Variants in MARK4 observed in about 807,000 individuals in gnomAD.
The protein encoded by MARK4 is MAP/microtubule affinity-regulating kinase 4.
In MARK4, 19 loss-of-function variants were observed where a neutral mutation model predicts 81.5. The observed-to-expected ratio is 0.23, with a 90% confidence interval of 0.16 to 0.34. MARK4 has a LOEUF of 0.34. Ranked by LOEUF, MARK4 falls within the 10% of genes least tolerant of loss-of-function variation. The probability of loss-of-function intolerance (pLI) is 1.00; values close to 1 mark genes in which losing one functional copy is unlikely to be tolerated. For missense variants in MARK4, 772 were observed against 1,058.8 expected (o/e 0.73, Z 3.76); for synonymous variants, 436 against 439.0 (o/e 0.99, Z 0.08).
intron 15 of MARK4, among the ~76,000 whole-genome samples, chr19:45,299,595 A>G (rs540483343): frequency 1.3e-5 from 2 of 151,940 alleles, no homozygotes; most frequent in African/African-American, 4.8e-5. Context: ...CATCTTCCAC[A>G]TTCTTCAGTA....
chr19:45,252,535 C>T (rs1227116595), intron 1 of MARK4, among the ~76,000 whole-genome samples: 2 of 151,864 alleles, frequency 1.3e-5, no homozygotes, highest in African/African-American at 2.4e-5. Context: ...CAGACCCCTT[C>T]CCCACAAACC....
intron 10 of MARK4, chr19:45,280,144 T>C: frequency 2.3e-6 from 1 of 428,954 alleles, no homozygotes; most frequent in Non-Finnish European, 4.3e-6. Flanking sequence ...TGCCCAGGAG[T>C]TTCAAACCAG....
At chr19:45,253,860 A>G (rs1439786725) in intron 1 of MARK4, among the ~76,000 whole-genome samples, 2 of 152,158 alleles carry the variant, frequency 1.3e-5, no homozygotes. Context: ...GACCTCGGGC[A>G]AGTAACCTTA....
At chr19:45,283,276 G>A (rs1970699769) in intron 12 of MARK4, among the ~76,000 whole-genome samples, 2 of 151,768 alleles carry the variant, frequency 1.3e-5, no homozygotes, top group South Asian at 4.1e-4. Context: ...GGGCGTAGTG[G>A]CAGGCGTCTG....
intron 2 of MARK4, among the ~76,000 whole-genome samples, chr19:45,261,330 C>T (rs941115343): frequency 6.6e-6 from 1 of 152,128 alleles, no homozygotes; most frequent in African/African-American, 2.4e-5. Context: ...CAGAACCTGG[C>T]AAATCAATTA....
chr19:45,282,931 G>C (rs1293700980), intron 12 of MARK4, among the ~76,000 whole-genome samples: 1 of 152,090 alleles, frequency 6.6e-6, no homozygotes, highest in Admixed American at 6.6e-5. Context: ...GATCGAGGTC[G>C]TGGTGAGCCG....
chr19:45,301,751 A>G (rs1165916746), intron 16 of MARK4, among the ~76,000 whole-genome samples: 2 of 149,774 alleles, frequency 1.3e-5, no homozygotes, highest in African/African-American at 4.9e-5. Context: ...TGTAATCCCA[A>G]CTACTCAGGA....
At position 45,287,480 on chromosome 19, in the gene MARK4, G is replaced by T. The variant is rs954745201; in HGVS notation, c.1310G>T (p.Arg437Leu). The T allele has an allele frequency of 6.7e-7, 1 of 1,489,288 alleles. No individual in the cohort carries two copies. The highest frequency in any genetic ancestry group is 9.0e-7 in the Non-Finnish European group (1 of 1,114,398). The allele number at this position is 1,489,288 out of a possible 1,614,324, so 92.3% of individuals were successfully genotyped here. The change falls in exon 13 of 17, where the codon CGC becomes CTC. Residue 437 changes from arginine (R) to leucine (L), a missense_variant. By Grantham distance (102) the Arg-to-Leu change is moderately radical. Transcript: ENST00000262891. ...GPSPAPLHPK[R>L]SPTSTGEAEL... ...TCCCCTGCACCCCTGCACCCCAAACGCAGCCCGACGAGCACGGGGGAGGCG... is the reference window on the plus strand; with the variant it reads ...TCCCCTGCACCCCTGCACCCCAAACTCAGCCCGACGAGCACGGGGGAGGCG...
chr19:45,277,823 T>TTG (rs58592372), intron 8 of MARK4, 100 bp from the exon 9 acceptor site: 29,402 of 733,662 alleles, frequency 0.04, 357 homozygotes, highest in African/African-American at 0.049. Flanking sequence ...GGGACAAAGG[T>TTG]TGTGTGTGTG....
intron 8 of MARK4, among the ~76,000 whole-genome samples, chr19:45,272,520 G>C (rs191971046): frequency 5.6e-4 from 85 of 151,992 alleles, no homozygotes; most frequent in African/African-American, 1.8e-3. Context: ...CCTGAGGCTG[G>C]GGGGGAGGAG....
chr19:45,302,366 C>T lies in MARK4; in HGVS notation c.1923-8C>T, dbSNP rs778471556. On this transcript the variant is annotated splice_region_variant and splice_polypyrimidine_tract_variant and intron_variant, in intron 16 of 16. Coordinates refer to ENST00000262891, the MANE Select transcript of MARK4 (RefSeq NM_001199867.2). The surrounding 1 kb of genome is among the most constrained non-coding windows in gnomAD (Gnocchi z 4.9). ...CCATCTCTGACCCCTGACATCTTCT[C>T]GCCTCAGTTGCCATCTACCTTGGGA... 4.3e-6 allele frequency: 7 copies of T among 1,614,084 alleles called. No homozygotes were observed. In the South Asian group the frequency reaches 5.5e-5, roughly 13 times the overall value.
chr19:45,281,078 A>G (rs1432659553), intron 12 of MARK4, among the ~76,000 whole-genome samples: 1 of 150,960 alleles, frequency 6.6e-6, no homozygotes, highest in African/African-American at 2.4e-5. Flanking sequence ...TTTGAGATGG[A>G]GTCTCACTCT....
At chr19:45,285,225 C>T (rs1328212522) in intron 12 of MARK4, among the ~76,000 whole-genome samples, 1 of 146,816 alleles carries the variant, frequency 6.8e-6, no homozygotes, top group Non-Finnish European at 1.5e-5. Flanking sequence ...TGCCACTGCA[C>T]TCCAGCCTGG....
chr19:45,292,182 A>C (rs1267252554), intron 13 of MARK4, among the ~76,000 whole-genome samples: 2 of 152,188 alleles, frequency 1.3e-5, no homozygotes, highest in African/African-American at 4.8e-5. Flanking sequence ...ACACACATGT[A>C]GTCCCAGCTA....
At position 45,302,735 on chromosome 19, in the gene MARK4, C is replaced by A; in HGVS notation, c.*25C>A. 3 of 1,535,342 alleles carry A rather than the reference C, an allele frequency of 2.0e-6. No homozygotes were observed. Among genetic ancestry groups the A allele is most frequent in the Non-Finnish European group, 2.6e-6 (3 of 1,146,478 alleles). ...AGCCACCACGGTCCCAGGGCCCTTA[C>A]TCTTCCTCTCCCTTGTCGCCTTCAC... On this transcript the variant is annotated 3_prime_UTR_variant, in exon 17 of 17. Coordinates refer to ENST00000262891, the MANE Select transcript of MARK4 (RefSeq NM_001199867.2). The surrounding 1 kb of genome is among the most constrained non-coding windows in gnomAD (Gnocchi z 4.9).
chr19:45,285,261 C>CAAAAAAA (rs71173139), intron 12 of MARK4, among the ~76,000 whole-genome samples: 5 of 57,120 alleles, frequency 8.8e-5, no homozygotes, highest in Non-Finnish European at 1.7e-4. Flanking sequence ...TGCCGTGTCT[C>CAAAAAAA]AAAAAAAAAA....
intron 8 of MARK4, among the ~76,000 whole-genome samples, chr19:45,272,548 G>A (rs1252940548): frequency 6.6e-6 from 1 of 152,106 alleles, no homozygotes; most frequent in Non-Finnish European, 1.5e-5. Context: ...GAGGTTGATT[G>A]CTAAAGGGTA....
chr19:45,303,023 TCTTC>T lies in MARK4; in HGVS notation c.*315_*318del. The T allele has an allele frequency of 4.8e-6, 2 of 415,786 alleles. No individual in the cohort carries two copies. Among genetic ancestry groups the T allele is most frequent in the Non-Finnish European group, 8.6e-6 (2 of 231,316 alleles). The allele number at this position is 415,786 out of a possible 1,614,324, so 25.8% of individuals were successfully genotyped here. ...GGGGCAGGGAGGGAAACTGAGGAAA[TCTTC>T]CATTCCTCCCAACAGCTCAAAATTA... On this transcript the variant is annotated 3_prime_UTR_variant, in exon 17 of 17. Transcript: ENST00000262891.
Position 45,264,822 on chromosome 19 carries a change from T to C in MARK4, c.422-18T>C. 2 of 1,614,030 alleles carry C rather than the reference T, an allele frequency of 1.2e-6. No individual in the cohort carries two copies. Among genetic ancestry groups the C allele is most frequent in the Non-Finnish European group, 1.7e-6 (2 of 1,179,968 alleles). ...CCGCTGCACCTGACCCTGACCCCGC[T>C]CGGCCTCTGCCCTGCAGGAGAAGTG... On this transcript the variant is annotated intron_variant, in intron 5 of 16. Coordinates refer to ENST00000262891, the MANE Select transcript of MARK4 (RefSeq NM_001199867.2).
Sources: gnomAD v4.1 joint callset for allele counts (sites outside exome capture counted in the v4.1 genomes callset) on GRCh38, gnomAD v4.1.1 for gene constraint, Gnocchi (gnomAD v3.1) non-coding constraint, MANE v1.5 for transcripts, NCBI Gene and HGNC (gene_info 2026-07-23, HGNC 2026-07-21) for gene names.